The following PXDNL variants were observed in gnomAD, a reference collection of about 807,000 sequenced individuals.
PXDNL encodes the protein probable oxidoreductase PXDNL.
In PXDNL, 145 loss-of-function variants were observed where a neutral mutation model predicts 150.8. The observed-to-expected ratio is 0.96, with a 90% CI of 0.84 to 1.10. PXDNL has a LOEUF of 1.10. PXDNL is among the 50% of genes least tolerant of loss of function. The probability of loss-of-function intolerance (pLI) is 0.00; values close to 1 mark genes in which losing one functional copy is unlikely to be tolerated. For missense variants in PXDNL, 2,087 were observed against 1,873.9 expected (o/e 1.11, Z -2.10); for synonymous variants, 757 against 725.7 (o/e 1.04, Z -0.69).
At chr8:51,659,170 T>A (rs1040050071) in intron 1 of PXDNL, among the ~76,000 whole-genome samples, 1 of 152,240 alleles carries the variant, frequency 6.6e-6, no homozygotes, top group Non-Finnish European at 1.5e-5. Flanking sequence ...GTAATATAAA[T>A]AATATTGATG....
At chr8:51,505,534 G>A (rs1254838801) in intron 4 of PXDNL, among the ~76,000 whole-genome samples, 1 of 152,154 alleles carries the variant, frequency 6.6e-6, no homozygotes, top group Non-Finnish European at 1.5e-5. Flanking sequence ...TTTGTACAAA[G>A]TGGCTGCTTT....
rs555002990 is a variant in PXDNL at position 51,569,274 on chromosome 8, T to A, written c.309-12363A>T. ...TCATATGGTTCAGTAAAATGTATAATGCATACAAATATGTAATATGCGAAT... is the reference window on the plus strand; with the variant it reads ...TCATATGGTTCAGTAAAATGTATAAAGCATACAAATATGTAATATGCGAAT... On this transcript the variant is annotated intron_variant, in intron 3 of 22. Transcript: ENST00000356297. Among the ~76,000 whole-genome samples, 3 of 152,112 alleles carry A rather than the reference T, an allele frequency of 2.0e-5. No individual in the cohort carries two copies. In the East Asian group the frequency reaches 5.8e-4, roughly 30 times the overall value.
intron 2 of PXDNL, among the ~76,000 whole-genome samples, chr8:51,644,844 G>A (rs1224964423): frequency 2.0e-5 from 3 of 152,004 alleles, no homozygotes; most frequent in Non-Finnish European, 2.9e-5. Context: ...TCAGAAAAGG[G>A]CCCCAGGCTG....
intron 17 of PXDNL, 67 bp from the exon 18 acceptor site, chr8:51,374,798 T>C (rs1333329232): frequency 1.3e-6 from 2 of 1,527,336 alleles, no homozygotes; most frequent in Non-Finnish European, 8.9e-7. Context: ...ATTCCTTATG[T>C]GAATGACCAC....
intron 1 of PXDNL, among the ~76,000 whole-genome samples, chr8:51,660,372 A>G (rs1815247035): frequency 6.6e-6 from 1 of 152,132 alleles, no homozygotes; most frequent in African/African-American, 2.4e-5. Context: ...CACATAGCTC[A>G]TCCAGTGAGG....
At chr8:51,588,971 T>C (rs962940451) in intron 3 of PXDNL, among the ~76,000 whole-genome samples, 2 of 152,198 alleles carry the variant, frequency 1.3e-5, no homozygotes, top group Non-Finnish European at 2.9e-5. Flanking sequence ...GTAACTATGA[T>C]AAGAGATAAG....
At chr8:51,626,824 A>G (rs1814369818) in intron 2 of PXDNL, among the ~76,000 whole-genome samples, 1 of 152,210 alleles carries the variant, frequency 6.6e-6, no homozygotes, top group Non-Finnish European at 1.5e-5. Flanking sequence ...ATGATGAACC[A>G]AAGAGGCAAT....
chr8:51,377,538 C>G (rs916769784), intron 17 of PXDNL, among the ~76,000 whole-genome samples: 4 of 152,172 alleles, frequency 2.6e-5, no homozygotes, highest in African/African-American at 9.6e-5. Context: ...AGGCAGGAAC[C>G]GGGGCTGCAC....
chr8:51,553,771 T>TATATATATATATACAC (rs1236843720), intron 4 of PXDNL, among the ~76,000 whole-genome samples: 22 of 63,810 alleles, frequency 3.4e-4, no homozygotes, highest in African/African-American at 1.6e-3. Flanking sequence ...TATATATATA[T>TATATATATATATACAC]ACACACACTG....
chr8:51,445,877 C>G (rs1809659782), intron 12 of PXDNL, among the ~76,000 whole-genome samples: 1 of 152,058 alleles, frequency 6.6e-6, no homozygotes, highest in African/African-American at 2.4e-5. Flanking sequence ...CACGTCATAG[C>G]CTGACACCTT....
intron 1 of PXDNL, among the ~76,000 whole-genome samples, chr8:51,725,955 G>T (rs1409888828): frequency 6.6e-6 from 1 of 152,134 alleles, no homozygotes; most frequent in African/African-American, 2.4e-5. Flanking sequence ...CTATGTTTTG[G>T]TTCAGTCGTT....
chr8:51,643,804 G>A (rs528627699), intron 2 of PXDNL, among the ~76,000 whole-genome samples: 37 of 152,068 alleles, frequency 2.4e-4, no homozygotes, highest in Non-Finnish European at 2.5e-4. Flanking sequence ...TCTGACAAGG[G>A]GCTAATAGCC....
At chr8:51,800,506 G>T (rs1306310823) in intron 1 of PXDNL, among the ~76,000 whole-genome samples, 2 of 152,298 alleles carry the variant, frequency 1.3e-5, no homozygotes, top group African/African-American at 4.8e-5. Context: ...ACAAGCACAG[G>T]CAGACTCAGT....
At chr8:51,680,616 C>T (rs973392675) in intron 1 of PXDNL, among the ~76,000 whole-genome samples, 40 of 152,110 alleles carry the variant, frequency 2.6e-4, no homozygotes, top group African/African-American at 8.9e-4. Context: ...GGGAAAAAAA[C>T]GCCAGTAAAT....
intron 3 of PXDNL, among the ~76,000 whole-genome samples, chr8:51,569,851 A>T (rs1563468197): frequency 6.6e-6 from 1 of 151,982 alleles, no homozygotes; most frequent in Non-Finnish European, 1.5e-5. Context: ...CACGGGCATG[A>T]AAATCTTCTA....
intron 1 of PXDNL, among the ~76,000 whole-genome samples, chr8:51,796,950 G>A (rs2037567718): frequency 6.6e-6 from 1 of 152,120 alleles, no homozygotes; most frequent in South Asian, 2.1e-4. Context: ...ACCAAATCCA[G>A]CAGCACATTT....
At chr8:51,797,719 G>A (rs979332361) in intron 1 of PXDNL, among the ~76,000 whole-genome samples, 4 of 103,798 alleles carry the variant, frequency 3.9e-5, no homozygotes, top group Non-Finnish European at 5.4e-5. Flanking sequence ...TGGATAGGAA[G>A]AATTAATATC....
chr8:51,695,855 T>C (rs1816109963), intron 1 of PXDNL, among the ~76,000 whole-genome samples: 1 of 152,234 alleles, frequency 6.6e-6, no homozygotes. Context: ...GATCTCTAAC[T>C]CCATGCTCCC....
At chr8:51,348,195 A>C (rs1051419033) in intron 19 of PXDNL, among the ~76,000 whole-genome samples, 1 of 152,236 alleles carries the variant, frequency 6.6e-6, no homozygotes, top group African/African-American at 2.4e-5. Flanking sequence ...AAAGGAAAAA[A>C]TATAGAGAAA....
Sources: allele counts gnomAD v4.1 joint callset (sites outside exome capture counted in the v4.1 genomes callset), GRCh38; gene constraint gnomAD v4.1.1; transcripts MANE v1.5; gene names NCBI Gene and HGNC (gene_info 2026-07-23, HGNC 2026-07-21).